The following CEP126 variants were observed in gnomAD, a reference collection of about 807,000 sequenced individuals.
The protein encoded by CEP126 is centrosomal protein 126, also known as centrosomal protein of 126 kDa.
Under a neutral mutation model 107.8 loss-of-function variants are expected in CEP126, and 74 were observed. The ratio of observed to expected loss-of-function variants is 0.69; its 90% CI spans 0.57 to 0.83. The LOEUF is 0.83. Among genes scored for constraint, CEP126 ranks in the 40% least tolerant of loss-of-function variants. The pLI is 0.00. For synonymous variants in CEP126, 449 were observed against 446.0 expected, an observed-to-expected ratio of 1.01 and a Z score of -0.08; for missense variants, 1,237 against 1,281.9, an observed-to-expected ratio of 0.96 and a Z score of 0.53.
rs555103336 is a variant in CEP126, at chr11:101,989,692, C to G, written c.3244+2651C>G. Among the ~76,000 whole-genome samples, 233 of 152,146 alleles carry G rather than the reference C, an allele frequency of 1.5e-3. 1 individual carries two copies. Among genetic ancestry groups the G allele is most frequent in the Non-Finnish European group, 2.6e-3 (180 of 67,968 alleles). On this transcript the variant is annotated intron_variant, in intron 9 of 10. Transcript: ENST00000263468. The stretch of plus-strand genomic sequence containing the variant: ...ACACAGAAACAGGCCGGGCGCGGTG[C>G]CTCACGCCTGTAATCCCAGCACTTT...
intron 2 of CEP126, among the ~76,000 whole-genome samples, chr11:101,925,614 C>G (rs1468965149): frequency 2.0e-5 from 3 of 148,990 alleles, no homozygotes; most frequent in African/African-American, 7.5e-5. Context: ...ACTAAAAATA[C>G]AAAAACTAGC....
chr11:101,995,156 AT>A (rs1941428407), intron 10 of CEP126, among the ~76,000 whole-genome samples: 1 of 151,260 alleles, frequency 6.6e-6, no homozygotes, highest in South Asian at 2.1e-4. Context: ...CTTTTTTTTT[AT>A]TTTTTGCCTT....
intron 5 of CEP126, among the ~76,000 whole-genome samples, chr11:101,960,568 A>G (rs552585768): frequency 4.6e-5 from 7 of 152,290 alleles, no homozygotes; most frequent in Admixed American, 3.3e-4. Flanking sequence ...GGATGTGATA[A>G]ATAGGGACTA....
intron 1 of CEP126, among the ~76,000 whole-genome samples, chr11:101,921,536 G>A (rs974141596): frequency 1.3e-4 from 20 of 151,604 alleles, no homozygotes; most frequent in African/African-American, 3.1e-4. Flanking sequence ...GTGAAACCCC[G>A]TCTCTACTGA....
intron 9 of CEP126, 131 bp from the exon 10 acceptor site, chr11:101,992,647 A>G (rs1322474937): frequency 1.9e-6 from 1 of 529,172 alleles, no homozygotes; most frequent in Non-Finnish European, 3.3e-6. Context: ...TCTGGGGGTG[A>G]CTGGAAAAAA....
At chr11:101,922,354 G>A (rs1940341916) in intron 1 of CEP126, among the ~76,000 whole-genome samples, 1 of 151,808 alleles carries the variant, frequency 6.6e-6, no homozygotes, top group Admixed American at 6.6e-5. Context: ...TAGTAGAGAC[G>A]GGGTTTTGCC....
chr11:101,941,876 T>A (rs1192799492), intron 2 of CEP126, among the ~76,000 whole-genome samples: 1 of 152,172 alleles, frequency 6.6e-6, no homozygotes. Flanking sequence ...CATTGTGGTT[T>A]TAATTTGCAT....
At position 101,999,031 on chromosome 11, in the gene CEP126, C is replaced by T. The variant is rs1410835781; in HGVS notation, c.*1388C>T. 1.3e-5 allele frequency: 2 copies of T among 151,938 alleles called. No individual in the cohort carries two copies. The highest frequency in any genetic ancestry group is 2.9e-5 in the Non-Finnish European group (2 of 67,978). The allele number at this position is 151,938 out of a possible 1,614,324, so 9.4% of individuals were successfully genotyped here. A position where few individuals can be genotyped will look rare whatever the true frequency, so the allele number is the denominator to read the frequency against. Reference sequence around the variant, plus strand: ...TGAAGAAATTAGTGAAAAAATTGACCTAATGAAGGAAACATTTGTGCTTTC... The same window carrying T: ...TGAAGAAATTAGTGAAAAAATTGACTTAATGAAGGAAACATTTGTGCTTTC... On this transcript the variant is annotated 3_prime_UTR_variant, in exon 11 of 11. Coordinates refer to ENST00000263468, the MANE Select transcript of CEP126 (RefSeq NM_020802.4).
At chr11:101,940,215 A>G (rs960756477) in intron 2 of CEP126, among the ~76,000 whole-genome samples, 1 of 152,228 alleles carries the variant, frequency 6.6e-6, no homozygotes, top group Non-Finnish European at 1.5e-5. Flanking sequence ...TGGCAGTTGC[A>G]GTGCGCTGAT....
chr11:101,984,483 C>A (rs1941293633), intron 8 of CEP126, among the ~76,000 whole-genome samples: 2 of 152,062 alleles, frequency 1.3e-5, no homozygotes, highest in Non-Finnish European at 1.5e-5. Flanking sequence ...TAATAAGACT[C>A]CAGGTGTTTT....
intron 2 of CEP126, among the ~76,000 whole-genome samples, chr11:101,924,531 TC>T (rs1940378804): frequency 6.6e-6 from 1 of 152,068 alleles, no homozygotes; most frequent in Non-Finnish European, 1.5e-5. Context: ...AGGGGCACAA[TC>T]TCAGCTCACT....
In CEP126 at chr11:101,977,328, TA is replaced by T. The variant is rs528871121; in HGVS notation, c.2846-1018del. The stretch of plus-strand genomic sequence containing the variant: ...GATTTTGCAAGAATATGTTTTTAAG[TA>T]GTCATTAAAAAGCAAAGAAAAGGCC... On this transcript the variant is annotated intron_variant, in intron 6 of 10. Coordinates refer to ENST00000263468, the MANE Select transcript of CEP126 (RefSeq NM_020802.4). Among the ~76,000 whole-genome samples the T allele has an allele frequency of 9.9e-4, 151 of 152,020 alleles. 1 individual carries two copies. Among genetic ancestry groups the T allele is most frequent in the African/African-American group, 3.5e-3 (145 of 41,476 alleles).
At chr11:101,982,011 T>A (rs930835165) in intron 8 of CEP126, 47 bp downstream of exon 8, 4 of 1,071,872 alleles carry the variant, frequency 3.7e-6, no homozygotes, top group African/African-American at 1.6e-5. Flanking sequence ...TTCCCAGTGA[T>A]TTTTTTTCTT....
chr11:101,994,365 T>C lies in CEP126; in HGVS notation c.3309+1523T>C, dbSNP rs544760631. Among the ~76,000 whole-genome samples the C allele has an allele frequency of 2.6e-3, 392 of 152,362 alleles. 1 individual carries two copies. Among genetic ancestry groups the C allele is most frequent in the African/African-American group, 9.2e-3 (382 of 41,590 alleles). On this transcript the variant is annotated intron_variant, in intron 10 of 10. Coordinates refer to ENST00000263468, the MANE Select transcript of CEP126 (RefSeq NM_020802.4). ...TTTACTTTGCTGTGCAGAAGCTCTT[T>C]AGTTTAGCTAGGTTCCATTTGTCAA...
At chr11:101,954,281 C>T (rs1940854992) in intron 4 of CEP126, among the ~76,000 whole-genome samples, 1 of 152,178 alleles carries the variant, frequency 6.6e-6, no homozygotes, top group Non-Finnish European at 1.5e-5. Flanking sequence ...CCGCCTCGGC[C>T]TCCCAAAGTG....
At position 101,986,911 on chromosome 11, in the gene CEP126, C is replaced by CT. The variant is rs960935968; in HGVS notation, c.3116dup (p.Leu1039PhefsTer3). The CT allele has an allele frequency of 1.9e-6, 3 of 1,613,676 alleles. No individual in the cohort carries two copies. The highest frequency in any genetic ancestry group is 1.7e-5 in the Admixed American group (1 of 59,992). ...TGCCGGAGGATGAGATTCTGACTGT[C>CT]TTGAATAGCAAACAGATACAGAAAT... On this transcript the variant is annotated frameshift_variant, in exon 9 of 11. Coordinates refer to ENST00000263468, the MANE Select transcript of CEP126 (RefSeq NM_020802.4). LOFTEE classifies it high-confidence loss of function.
chr11:101,920,183 A>G (rs1940301096), intron 1 of CEP126, among the ~76,000 whole-genome samples: 1 of 152,236 alleles, frequency 6.6e-6, no homozygotes, highest in African/African-American at 2.4e-5. Flanking sequence ...TAGCAACACA[A>G]AAGAAAACAA....
chr11:101,936,038 T>G (rs778089062), intron 2 of CEP126, among the ~76,000 whole-genome samples: 28 of 152,152 alleles, frequency 1.8e-4, no homozygotes, highest in Non-Finnish European at 4.1e-4. Flanking sequence ...GTATTTTTAC[T>G]TTTCCCTATA....
chr11:101,920,551 A>G (rs1435524394), intron 1 of CEP126, among the ~76,000 whole-genome samples: 2 of 151,890 alleles, frequency 1.3e-5, no homozygotes, highest in Non-Finnish European at 2.9e-5. Flanking sequence ...AATCTCATAT[A>G]TTTCTACATC....
Sources: allele counts gnomAD v4.1 joint callset (sites outside exome capture counted in the v4.1 genomes callset), GRCh38; gene constraint gnomAD v4.1.1; transcripts MANE v1.5; gene names NCBI Gene and HGNC (gene_info 2026-07-23, HGNC 2026-07-21).